The following TRERF1 variants were observed in gnomAD, a reference collection of about 807,000 sequenced individuals.
TRERF1 encodes the protein transcriptional-regulating factor 1.
In TRERF1, 27 loss-of-function variants were observed where a neutral mutation model predicts 122.9. That is an observed-to-expected ratio of 0.22 (90% CI 0.16 to 0.30). The LOEUF is 0.30. TRERF1 is among the 10% of genes least tolerant of loss of function. The pLI is 1.00. For synonymous variants in TRERF1, 636 were observed against 641.7 expected (o/e 0.99, Z 0.13); for missense variants, 1,248 against 1,560.3 (o/e 0.80, Z 3.37).
At chr6:42,412,763 A>G (rs930437616) in intron 2 of TRERF1, among the ~76,000 whole-genome samples, 7 of 152,048 alleles carry the variant, frequency 4.6e-5, no homozygotes, top group Admixed American at 1.3e-4. Context: ...TTGTCTCTAC[A>G]AAAACAAAAA....
Position 42,259,791 on chromosome 6 carries a change from G to C in TRERF1, c.1885-68C>G. On this transcript the variant is annotated intron_variant, in intron 8 of 17. Transcript: ENST00000372922. The surrounding 1 kb of genome is among the most constrained non-coding windows in gnomAD (Gnocchi z 4.9). The stretch of plus-strand genomic sequence containing the variant: ...CCCGCAGGCCATTTCCACAGGTTCA[G>C]GGAAGGGGGCCTTCTACTGTCTAAG... 6.3e-7 allele frequency: 1 copy of C among 1,589,754 alleles called. No homozygotes were observed. The highest frequency in any genetic ancestry group is 8.5e-7 in the Non-Finnish European group (1 of 1,175,394).
rs1246709143 is a variant in TRERF1 at position 42,259,517 on chromosome 6, C to T, written c.2091G>A (p.Leu697=). 1 of 1,612,842 alleles carries T rather than the reference C, an allele frequency of 6.2e-7. No individual in the cohort carries two copies. The highest frequency in any genetic ancestry group is 8.5e-7 in the Non-Finnish European group (1 of 1,179,740). Residue 697 remains leucine (L), a synonymous_variant, in exon 9 of 18, where the codon CTG becomes CTA. Coordinates refer to ENST00000372922, the Ensembl canonical transcript of TRERF1. This position sits in a 1 kb window ranked among gnomAD's most constrained non-coding sequence, Gnocchi z 4.9. ...GCAGCTCGTGGGTGGGGTCCAGGAG[C>T]AGGTGGTCCCCGAGGACGCGCGGGG... is the stretch of plus-strand genomic sequence containing the variant.
Position 42,259,394 on chromosome 6 carries a change from C to T in TRERF1, c.2214G>A (p.Pro738=), listed in dbSNP as rs1249808642. Reference sequence around the variant, plus strand: ...GCGTCAGGGGCGTCAGGGGCAGCTGCGGGTGGGCGCCAGGGCCGTGGCCGG... The same window carrying T: ...GCGTCAGGGGCGTCAGGGGCAGCTGTGGGTGGGCGCCAGGGCCGTGGCCGG... The change falls in exon 9 of 18, where the codon CCG becomes CCA. Residue 738 remains proline (P), a synonymous_variant. Coordinates refer to ENST00000372922, the Ensembl canonical transcript of TRERF1. This position sits in a 1 kb window ranked among gnomAD's most constrained non-coding sequence, Gnocchi z 4.9. The T allele has an allele frequency of 2.0e-6, 3 of 1,529,304 alleles. No individual in the cohort carries two copies. Among genetic ancestry groups the T allele is most frequent in the Non-Finnish European group, 1.7e-6 (2 of 1,148,150 alleles). The allele number at this position is 1,529,304 out of a possible 1,614,324, so 94.7% of individuals were successfully genotyped here. A position where few individuals can be genotyped will look rare whatever the true frequency, so the allele number is the denominator to read the frequency against.
chr6:42,426,590 G>A (rs1042381926), intron 2 of TRERF1, among the ~76,000 whole-genome samples: 4 of 152,182 alleles, frequency 2.6e-5, no homozygotes, highest in Non-Finnish European at 4.4e-5. Flanking sequence ...TATTTTGTTC[G>A]TAGCTGTCTC....
chr6:42,317,110 A>G (rs966123912), intron 3 of TRERF1, among the ~76,000 whole-genome samples: 3 of 152,002 alleles, frequency 2.0e-5, no homozygotes, highest in South Asian at 2.1e-4. Flanking sequence ...ACCTTCACCA[A>G]TCAGCAGCTC....
intron 7 of TRERF1, 142 bp downstream of exon 7, chr6:42,264,562 C>T: frequency 7.4e-7 from 1 of 1,347,434 alleles, no homozygotes; most frequent in South Asian, 1.5e-5. Context: ...GCTCCCAGCG[C>T]CAAAGCCTAA....
intron 2 of TRERF1, among the ~76,000 whole-genome samples, chr6:42,373,629 T>C (rs1236636769): frequency 6.6e-6 from 1 of 150,858 alleles, no homozygotes; most frequent in Non-Finnish European, 1.5e-5. Flanking sequence ...ATGGCGCCAC[T>C]GCACTCCAGC....
intron 3 of TRERF1, among the ~76,000 whole-genome samples, chr6:42,306,960 A>C (rs922638737): frequency 1.3e-5 from 2 of 152,100 alleles, no homozygotes; most frequent in Admixed American, 6.6e-5. Flanking sequence ...AGCTTTAGAA[A>C]CCAGGGATGC....
chr6:42,440,332 T>C (rs1333847218), intron 2 of TRERF1, among the ~76,000 whole-genome samples: 1 of 152,154 alleles, frequency 6.6e-6, no homozygotes, highest in Non-Finnish European at 1.5e-5. Context: ...AGCCAGTCTT[T>C]GGAGCGGGTC....
intron 3 of TRERF1, among the ~76,000 whole-genome samples, chr6:42,312,773 G>A (rs752591158): frequency 1.3e-5 from 2 of 152,226 alleles, no homozygotes; most frequent in Admixed American, 1.3e-4. Flanking sequence ...CTGGGTCTTA[G>A]TGCCGGGTGT....
chr6:42,264,058 T>C (rs1242304768), intron 7 of TRERF1, among the ~76,000 whole-genome samples: 1 of 152,220 alleles, frequency 6.6e-6, no homozygotes, highest in Admixed American at 6.5e-5. Flanking sequence ...TAATCTGGCA[T>C]GGCCAGGAGA....
intron 4 of TRERF1, among the ~76,000 whole-genome samples, chr6:42,290,943 G>A (rs937075549): frequency 7.9e-5 from 12 of 151,860 alleles, no homozygotes; most frequent in East Asian, 7.7e-4. Flanking sequence ...CCTCTGGCCC[G>A]GTGTAAAGTC....
At chr6:42,383,013 G>C (rs559271359) in intron 2 of TRERF1, among the ~76,000 whole-genome samples, 1 of 152,200 alleles carries the variant, frequency 6.6e-6, no homozygotes, top group Non-Finnish European at 1.5e-5. Context: ...AAGTTGTCTG[G>C]AGGTTGGGGC....
chr6:42,349,475 G>A (rs1768984807), intron 3 of TRERF1, among the ~76,000 whole-genome samples: 1 of 152,034 alleles, frequency 6.6e-6, no homozygotes, highest in African/African-American at 2.4e-5. Context: ...TATGGTTAAA[G>A]TAATGCTATA....
At chr6:42,423,257 T>A (rs1344425189) in intron 2 of TRERF1, among the ~76,000 whole-genome samples, 2 of 152,234 alleles carry the variant, frequency 1.3e-5, no homozygotes, top group Non-Finnish European at 2.9e-5. Flanking sequence ...CATACAAACA[T>A]GTTCCTTCTT....
At chr6:42,360,864 C>A (rs1450950941) in intron 3 of TRERF1, among the ~76,000 whole-genome samples, 1 of 151,432 alleles carries the variant, frequency 6.6e-6, no homozygotes, top group African/African-American at 2.4e-5. Context: ...TCCACCCTAT[C>A]CCTGCACATG....
chr6:42,446,110 C>T (rs903698371), intron 2 of TRERF1, among the ~76,000 whole-genome samples: 2 of 152,208 alleles, frequency 1.3e-5, no homozygotes, highest in African/African-American at 4.8e-5. Flanking sequence ...GACAGTGTTT[C>T]ACCATTTTGG....
intron 14 of TRERF1, among the ~76,000 whole-genome samples, chr6:42,244,781 G>C (rs906196517): frequency 6.6e-6 from 1 of 152,252 alleles, no homozygotes; most frequent in Non-Finnish European, 1.5e-5. Context: ...TATGATGACA[G>C]AGCTTAGGTT....
At chr6:42,311,530 C>T (rs938634603) in intron 3 of TRERF1, among the ~76,000 whole-genome samples, 5 of 151,690 alleles carry the variant, frequency 3.3e-5, no homozygotes, top group East Asian at 1.9e-4. Context: ...TTTGGGAGGC[C>T]GAGGTGGGTG....
Sources: allele counts gnomAD v4.1 joint callset (sites outside exome capture counted in the v4.1 genomes callset), GRCh38; gene constraint gnomAD v4.1.1; non-coding constraint Gnocchi (gnomAD v3.1); transcripts MANE v1.5; gene names NCBI Gene and HGNC (gene_info 2026-07-23, HGNC 2026-07-21).